KIRREL3: variants seen among roughly 807,000 people sequenced by gnomAD.
The protein encoded by KIRREL3 is kirre like nephrin family adhesion molecule 3, also known as kin of IRRE-like protein 3.
KIRREL3 carries 36 observed loss-of-function variants against 89.7 expected under a neutral mutation model. The observed-to-expected ratio is 0.40, with a 90% CI of 0.31 to 0.53. The LOEUF (loss-of-function observed/expected upper bound fraction) is 0.53. Ranked by LOEUF, KIRREL3 falls within the 20% of genes least tolerant of loss-of-function variation. The pLI is 0.49. For missense variants in KIRREL3, 864 were observed against 1,056.6 expected, an observed-to-expected ratio of 0.82 and a Z score of 2.53; for synonymous variants, 445 against 441.4, an observed-to-expected ratio of 1.01 and a Z score of -0.10.
Position 126,768,260 on chromosome 11 carries a change from A to G in KIRREL3, c.56-205348T>C, listed in dbSNP as rs1285907029. Among the ~76,000 whole-genome samples the G allele has an allele frequency of 1.3e-5, 2 of 149,528 alleles. No individual in the cohort carries two copies. Among genetic ancestry groups the G allele is most frequent in the Non-Finnish European group, 2.9e-5 (2 of 67,800 alleles). ...CATCTGTCCATCCATACATGCATCCACCCATCCATCCATCCATTCATCCAT... is the reference window on the plus strand; with the variant it reads ...CATCTGTCCATCCATACATGCATCCGCCCATCCATCCATCCATTCATCCAT... On this transcript the variant is annotated intron_variant, in intron 1 of 16. Transcript: ENST00000525144. The surrounding 1 kb of genome is among the most constrained non-coding windows in gnomAD (Gnocchi z 4.5).
intron 1 of KIRREL3, among the ~76,000 whole-genome samples, chr11:126,927,606 A>G (rs1338098320): frequency 1.3e-5 from 2 of 152,258 alleles, no homozygotes; most frequent in South Asian, 2.1e-4. Flanking sequence ...CTTTATAGAA[A>G]TGTGGCTTTT....
At chr11:126,726,965 C>G (rs559470577) in intron 1 of KIRREL3, among the ~76,000 whole-genome samples, 1 of 152,354 alleles carries the variant, frequency 6.6e-6, no homozygotes, top group South Asian at 2.1e-4. Flanking sequence ...TCAGCTGCTT[C>G]TTTCTCTGAG....
chr11:126,901,237 C>G (rs1002664466), intron 1 of KIRREL3, among the ~76,000 whole-genome samples: 1 of 148,682 alleles, frequency 6.7e-6, no homozygotes, highest in Non-Finnish European at 1.5e-5. Context: ...AAAAAAGACT[C>G]TGGGATATTC....
At position 126,669,699 on chromosome 11, in the gene KIRREL3, T is replaced by C. The variant is rs139313181; in HGVS notation, c.56-106787A>G. Reference sequence around the variant, plus strand: ...TCGTGGGCTTTTCTCTCTTCTCCATTTACATTTTTCTCTCAAGGTTTTGCA... The same window carrying C: ...TCGTGGGCTTTTCTCTCTTCTCCATCTACATTTTTCTCTCAAGGTTTTGCA... On this transcript the variant is annotated intron_variant, in intron 1 of 16. Coordinates refer to ENST00000525144, the MANE Select transcript of KIRREL3 (RefSeq NM_032531.4). The surrounding 1 kb of genome is among the most constrained non-coding windows in gnomAD (Gnocchi z 5.0). Among the ~76,000 whole-genome samples the C allele has an allele frequency of 6.6e-6, 1 of 152,284 alleles. No homozygotes were observed. The highest frequency in any genetic ancestry group is 1.9e-4 in the East Asian group (1 of 5,190).
chr11:126,526,506 A>G lies in KIRREL3; in HGVS notation c.283+32T>C. ...GGGTGAGTAAGGAAGTGATGGCCCC[A>G]GGCCCACCCCAGGAGGTCTGGAGGT... On this transcript the variant is annotated intron_variant, in intron 3 of 16. Coordinates refer to ENST00000525144, the MANE Select transcript of KIRREL3 (RefSeq NM_032531.4). This position sits in a 1 kb window ranked among gnomAD's most constrained non-coding sequence, Gnocchi z 5.7. 6.3e-7 allele frequency: 1 copy of G among 1,594,922 alleles called. No individual in the cohort carries two copies.
rs1271227180 is a variant in KIRREL3, at chr11:126,565,797, A to C, written c.56-2885T>G. Among the ~76,000 whole-genome samples, 2 of 152,060 alleles carry C rather than the reference A, an allele frequency of 1.3e-5. No homozygotes were observed. Among genetic ancestry groups the C allele is most frequent in the Non-Finnish European group, 1.5e-5 (1 of 68,016 alleles). Reference sequence around the variant, plus strand: ...GCTGGAAACCCAAGTGGGGAGGTGAATATTGTCCAAGCTACTAACCACAGA... The same window carrying C: ...GCTGGAAACCCAAGTGGGGAGGTGACTATTGTCCAAGCTACTAACCACAGA... On this transcript the variant is annotated intron_variant, in intron 1 of 16. Transcript: ENST00000525144. The surrounding 1 kb of genome is among the most constrained non-coding windows in gnomAD (Gnocchi z 5.4).
In KIRREL3 at chr11:126,976,434, A is replaced by ACCTGTCCACTGT; in HGVS notation, c.55+24020_55+24021insACAGTGGACAGG. On this transcript the variant is annotated intron_variant, in intron 1 of 16. Coordinates refer to ENST00000525144, the MANE Select transcript of KIRREL3 (RefSeq NM_032531.4). This position sits in a 1 kb window ranked among gnomAD's most constrained non-coding sequence, Gnocchi z 4.2. ...TGCAGATTTTTTTCTGGAGATTTAT[A>ACCTGTCCACTGT]TGTTTACCTGTCCACTGTTTCTGAA... Among the ~76,000 whole-genome samples the ACCTGTCCACTGT allele has an allele frequency of 6.6e-6, 1 of 152,156 alleles. No homozygotes were observed. The highest frequency in any genetic ancestry group is 6.5e-5 in the Admixed American group (1 of 15,268).
At chr11:126,856,167 G>A (rs1482711184) in intron 1 of KIRREL3, among the ~76,000 whole-genome samples, 3 of 152,108 alleles carry the variant, frequency 2.0e-5, no homozygotes, top group Middle Eastern at 3.2e-3. Context: ...TAAAGGCTCT[G>A]GAAAATTCCA....
intron 1 of KIRREL3, among the ~76,000 whole-genome samples, chr11:126,749,834 A>T (rs374357641): frequency 4.6e-5 from 7 of 152,136 alleles, no homozygotes; most frequent in African/African-American, 1.4e-4. Context: ...CCAGAATGAG[A>T]TTTATCAACT....
rs572567185 is a variant in KIRREL3 at position 126,476,521 on chromosome 11, C to T, written c.434-3055G>A. ...CGTGTTGTGGGAGTGCTCAGGCACA[C>T]GCACAGCCACGCACATACATCCACC... On this transcript the variant is annotated intron_variant, in intron 4 of 16. Transcript: ENST00000525144. The surrounding 1 kb of genome is among the most constrained non-coding windows in gnomAD (Gnocchi z 6.4). Among the ~76,000 whole-genome samples, 16 of 152,210 alleles carry T rather than the reference C, an allele frequency of 1.1e-4. No individual in the cohort carries two copies. The highest frequency in any genetic ancestry group is 1.5e-4 in the Non-Finnish European group (10 of 68,048).
At chr11:126,888,819 A>G (rs1212215284) in intron 1 of KIRREL3, among the ~76,000 whole-genome samples, 6 of 152,352 alleles carry the variant, frequency 3.9e-5, no homozygotes, top group Admixed American at 3.3e-4. Context: ...CAGTGATTAA[A>G]GGAGATGAAA....
At chr11:126,762,204 C>T (rs943582729) in intron 1 of KIRREL3, among the ~76,000 whole-genome samples, 4 of 150,068 alleles carry the variant, frequency 2.7e-5, no homozygotes, top group African/African-American at 7.4e-5. Flanking sequence ...AACAAACAAA[C>T]AAATAAATAA....
chr11:126,467,784 TGAGGCCA>T (rs1196555270), intron 5 of KIRREL3, among the ~76,000 whole-genome samples: 1 of 152,092 alleles, frequency 6.6e-6, no homozygotes, highest in Non-Finnish European at 1.5e-5. Context: ...CATCCAGCCT[TGAGGCCA>T]GAGGCCAGAG....
intron 1 of KIRREL3, among the ~76,000 whole-genome samples, chr11:126,842,898 C>A (rs1944012148): frequency 1.3e-5 from 2 of 152,172 alleles, no homozygotes; most frequent in Non-Finnish European, 2.9e-5. Context: ...GAGAGCTGGC[C>A]TCTCCATCGG....
chr11:126,872,598 T>TA lies in KIRREL3; in HGVS notation c.55+127856dup, dbSNP rs1945143180. 1.3e-5 allele frequency among the ~76,000 whole-genome samples: 2 copies of TA among 152,244 alleles called. No individual in the cohort carries two copies. The highest frequency in any genetic ancestry group is 6.5e-5 in the Admixed American group (1 of 15,288). On this transcript the variant is annotated intron_variant, in intron 1 of 16. Coordinates refer to ENST00000525144, the MANE Select transcript of KIRREL3 (RefSeq NM_032531.4). This position sits in a 1 kb window ranked among gnomAD's most constrained non-coding sequence, Gnocchi z 4.2. The stretch of plus-strand genomic sequence containing the variant: ...CATCATTTACATCAAACAGCCCCTC[T>TA]AAGGGACCTTAGGCCTTGTTATCTT...
At chr11:126,618,520 C>T (rs1191416801) in intron 1 of KIRREL3, among the ~76,000 whole-genome samples, 4 of 152,118 alleles carry the variant, frequency 2.6e-5, no homozygotes, top group Non-Finnish European at 4.4e-5. Flanking sequence ...CTGCAAACTC[C>T]GCCTCCTGGG....
chr11:126,660,870 G>A (rs1417280756), intron 1 of KIRREL3, among the ~76,000 whole-genome samples: 1 of 152,144 alleles, frequency 6.6e-6, no homozygotes, highest in Non-Finnish European at 1.5e-5. Context: ...GCAGCTATAG[G>A]GGATAGAGGC....
In KIRREL3 at chr11:126,492,669, T is replaced by C. The variant is rs1195224648; in HGVS notation, c.434-19203A>G. Among the ~76,000 whole-genome samples, 1 of 152,078 alleles carries C rather than the reference T, an allele frequency of 6.6e-6. No homozygotes were observed. Among genetic ancestry groups the C allele is most frequent in the Non-Finnish European group, 1.5e-5 (1 of 68,014 alleles). ...TCCTATCAAACTTTGATAAATTGAC[T>C]CTGAAAGGGCCTTTTCTTCCAAGCA... On this transcript the variant is annotated intron_variant, in intron 4 of 16. Transcript: ENST00000525144. This position sits in a 1 kb window ranked among gnomAD's most constrained non-coding sequence, Gnocchi z 4.8.
rs1036291371 is a variant in KIRREL3 at position 126,989,430 on chromosome 11, A to T, written c.55+11025T>A. Reference sequence around the variant, plus strand: ...AGGGAAGCTGCTGGGGTCTCAGCACACCGTATAGAAAATCCCTCCAGCAAC... The same window carrying T: ...AGGGAAGCTGCTGGGGTCTCAGCACTCCGTATAGAAAATCCCTCCAGCAAC... On this transcript the variant is annotated intron_variant, in intron 1 of 16. Transcript: ENST00000525144. The surrounding 1 kb of genome is among the most constrained non-coding windows in gnomAD (Gnocchi z 6.2). Among the ~76,000 whole-genome samples, 1 of 152,118 alleles carries T rather than the reference A, an allele frequency of 6.6e-6. No homozygotes were observed. Among genetic ancestry groups the T allele is most frequent in the African/African-American group, 2.4e-5 (1 of 41,420 alleles).
Sources: gnomAD v4.1 joint callset for allele counts (sites outside exome capture counted in the v4.1 genomes callset) on GRCh38, gnomAD v4.1.1 for gene constraint, Gnocchi (gnomAD v3.1) non-coding constraint, MANE v1.5 for transcripts, NCBI Gene and HGNC (gene_info 2026-07-23, HGNC 2026-07-21) for gene names.